GUCY1A2: variants seen among roughly 807,000 people sequenced by gnomAD.
The protein encoded by GUCY1A2 is guanylate cyclase soluble subunit alpha-2.
GUCY1A2 carries 27 observed loss-of-function variants against 63.5 expected under a neutral mutation model. The ratio of observed to expected loss-of-function variants is 0.43; its 90% CI spans 0.31 to 0.59. The LOEUF is 0.59. Among genes scored for constraint, GUCY1A2 ranks in the 20% least tolerant of loss-of-function variants. GUCY1A2 has a pLI of 0.11. For missense variants in GUCY1A2, 768 were observed against 913.3 expected, an observed-to-expected ratio of 0.84 and a Z score of 2.05; for synonymous variants, 364 against 343.5, an observed-to-expected ratio of 1.06 and a Z score of -0.66.
At chr11:106,960,973 A>G (rs993110836) in intron 3 of GUCY1A2, among the ~76,000 whole-genome samples, 1 of 152,160 alleles carries the variant, frequency 6.6e-6, no homozygotes, top group Admixed American at 6.6e-5. Flanking sequence ...TTTGGGGAAC[A>G]GTGAGGAAGG....
chr11:106,815,119 C>T (rs1858813819), intron 4 of GUCY1A2, among the ~76,000 whole-genome samples: 1 of 151,774 alleles, frequency 6.6e-6, no homozygotes, highest in Non-Finnish European at 1.5e-5. Context: ...GTAAATTATA[C>T]AACTGAAAAA....
At chr11:106,971,884 T>C (rs892493806) in intron 3 of GUCY1A2, among the ~76,000 whole-genome samples, 21 of 152,068 alleles carry the variant, frequency 1.4e-4, no homozygotes, top group Non-Finnish European at 1.6e-4. Flanking sequence ...GCAGAAAGTA[T>C]GAAAGATGAG....
intron 3 of GUCY1A2, among the ~76,000 whole-genome samples, chr11:106,944,603 A>G (rs1860801034): frequency 6.6e-6 from 1 of 152,186 alleles, no homozygotes; most frequent in Admixed American, 6.5e-5. Context: ...ACACAAGGTT[A>G]CCTATATAAC....
rs558244530 is a variant in GUCY1A2 at position 106,902,146 on chromosome 11, T to C, written c.1206+37314A>G. ...AGGCATGCAAACAACATTTATCTCCTTGTACACCTCCATCAGAGCTCTCGG... is the reference window on the plus strand; with the variant it reads ...AGGCATGCAAACAACATTTATCTCCCTGTACACCTCCATCAGAGCTCTCGG... On this transcript the variant is annotated intron_variant, in intron 4 of 7. Coordinates refer to ENST00000526355, the MANE Select transcript of GUCY1A2 (RefSeq NM_000855.3). Among the ~76,000 whole-genome samples, 7 of 152,322 alleles carry C rather than the reference T, an allele frequency of 4.6e-5. No individual in the cohort carries two copies. The South Asian group carries it at 1.5e-3, about 32-fold the overall frequency.
chr11:106,912,777 T>C lies in GUCY1A2; in HGVS notation c.1206+26683A>G, dbSNP rs538442995. On this transcript the variant is annotated intron_variant, in intron 4 of 7. Coordinates refer to ENST00000526355, the MANE Select transcript of GUCY1A2 (RefSeq NM_000855.3). Reference sequence around the variant, plus strand: ...AGAACAGTGCTGTATAAAAAGAAAATTGTTAACTGTGCCCTTTAATGAAAC... The same window carrying C: ...AGAACAGTGCTGTATAAAAAGAAAACTGTTAACTGTGCCCTTTAATGAAAC... Among the ~76,000 whole-genome samples the C allele has an allele frequency of 4.6e-5, 7 of 152,106 alleles. No individual in the cohort carries two copies. The South Asian group carries it at 8.3e-4, about 18-fold the overall frequency.
At chr11:106,792,148 G>A (rs1864674247) in intron 5 of GUCY1A2, among the ~76,000 whole-genome samples, 1 of 152,068 alleles carries the variant, frequency 6.6e-6, no homozygotes, top group Admixed American at 6.5e-5. Flanking sequence ...AGCACTTTGA[G>A]AGGCTAAGGC....
chr11:107,006,371 AG>A lies in GUCY1A2; in HGVS notation c.303+11381del, dbSNP rs757372978. ...TTCAGAGATGGGAAGTGGAGACAAA[AG>A]TTATTTCCCCAAAGTCAAATTAGAA... On this transcript the variant is annotated intron_variant, in intron 1 of 7. Coordinates refer to ENST00000526355, the MANE Select transcript of GUCY1A2 (RefSeq NM_000855.3). Among the ~76,000 whole-genome samples the A allele has an allele frequency of 3.3e-5, 5 of 152,214 alleles. No homozygotes were observed. In the East Asian group the frequency reaches 5.8e-4, roughly 18 times the overall value.
intron 4 of GUCY1A2, among the ~76,000 whole-genome samples, chr11:106,913,122 AAGATAT>A (rs1332724444): frequency 1.8e-5 from 1 of 56,584 alleles, no homozygotes; most frequent in Non-Finnish European, 3.4e-5. Context: ...TTTTTTTCAA[AAGATAT>A]ATATATATAT....
At chr11:106,852,468 T>G (rs1475731352) in intron 4 of GUCY1A2, among the ~76,000 whole-genome samples, 1 of 152,118 alleles carries the variant, frequency 6.6e-6, no homozygotes, top group Non-Finnish European at 1.5e-5. Context: ...TGACCCTTAT[T>G]ATATTGATGT....
intron 4 of GUCY1A2, among the ~76,000 whole-genome samples, chr11:106,917,099 T>C (rs112877956): frequency 2.7e-5 from 4 of 145,598 alleles, no homozygotes; most frequent in African/African-American, 9.7e-5. Flanking sequence ...TTACAGATAG[T>C]AGTGTTATAA....
intron 6 of GUCY1A2, among the ~76,000 whole-genome samples, chr11:106,750,048 C>T (rs1295874177): frequency 2.0e-5 from 3 of 152,042 alleles, no homozygotes; most frequent in African/African-American, 4.8e-5. Flanking sequence ...CCTATAATTT[C>T]TCAGTCCAAG....
intron 2 of GUCY1A2, among the ~76,000 whole-genome samples, chr11:106,985,383 G>A (rs562929244): frequency 5.9e-5 from 9 of 152,288 alleles, no homozygotes; most frequent in Non-Finnish European, 8.8e-5. Context: ...CCAATTAGAG[G>A]TGTACCTCAT....
chr11:106,896,221 C>T (rs1209138561), intron 4 of GUCY1A2, among the ~76,000 whole-genome samples: 1 of 151,788 alleles, frequency 6.6e-6, no homozygotes, highest in Non-Finnish European at 1.5e-5. Flanking sequence ...AGAAAAACAT[C>T]ACATGATCAT....
At chr11:107,014,821 G>A (rs1161049364) in intron 1 of GUCY1A2, among the ~76,000 whole-genome samples, 1 of 152,112 alleles carries the variant, frequency 6.6e-6, no homozygotes, top group Non-Finnish European at 1.5e-5. Context: ...TATTGTGATG[G>A]CATGCAAGAA....
At chr11:106,979,244 A>C (rs1196716919) in intron 2 of GUCY1A2, among the ~76,000 whole-genome samples, 1 of 152,126 alleles carries the variant, frequency 6.6e-6, no homozygotes, top group Non-Finnish European at 1.5e-5. Flanking sequence ...TCACGAGTTC[A>C]GGAGATCAAG....
intron 4 of GUCY1A2, among the ~76,000 whole-genome samples, chr11:106,855,893 T>TTTTCTTTTTTTATTATTTATTTA (rs536833371): frequency 1.1e-5 from 1 of 94,352 alleles, no homozygotes; most frequent in African/African-American, 3.5e-5. Context: ...GTCTCTTGTA[T>TTTTCTTTTTTTATTATTTATTTA]TTTATTTATT....
At chr11:106,794,503 C>G (rs949102304) in intron 5 of GUCY1A2, among the ~76,000 whole-genome samples, 3 of 151,252 alleles carry the variant, frequency 2.0e-5, no homozygotes, top group African/African-American at 7.3e-5. Flanking sequence ...TCACTACACA[C>G]ACACACACAC....
chr11:106,971,457 C>A (rs1264396664), intron 3 of GUCY1A2, among the ~76,000 whole-genome samples: 3 of 151,938 alleles, frequency 2.0e-5, no homozygotes, highest in African/African-American at 4.8e-5. Context: ...AAATTGTTTC[C>A]CCTGGGAGTT....
intron 1 of GUCY1A2, among the ~76,000 whole-genome samples, chr11:106,991,769 A>G (rs1861473109): frequency 6.6e-6 from 1 of 152,210 alleles, no homozygotes; most frequent in Admixed American, 6.5e-5. Flanking sequence ...CTTGAAGCAT[A>G]AATACGAGAT....
Sources: allele counts gnomAD v4.1 joint callset (sites outside exome capture counted in the v4.1 genomes callset), GRCh38; gene constraint gnomAD v4.1.1; transcripts MANE v1.5; gene names NCBI Gene and HGNC (gene_info 2026-07-23, HGNC 2026-07-21).